TOX: variants seen among roughly 807,000 people sequenced by gnomAD.
The protein encoded by TOX is thymocyte selection-associated high mobility group box protein TOX.
A neutral mutation model predicts 53.7 loss-of-function variants in TOX; 11 were observed. The ratio of observed to expected loss-of-function variants is 0.20; its 90% confidence interval spans 0.13 to 0.34. TOX has a LOEUF of 0.34. TOX is among the 10% of genes least tolerant of loss of function. TOX has a pLI of 1.00. For missense variants in TOX, 570 were observed against 664.6 expected, an observed-to-expected ratio of 0.86 and a Z score of 1.56; for synonymous variants, 225 against 245.3, an observed-to-expected ratio of 0.92 and a Z score of 0.77.
chr8:59,015,524 G>A (rs1025691956), intron 1 of TOX, among the ~76,000 whole-genome samples: 2 of 152,108 alleles, frequency 1.3e-5, no homozygotes, highest in Admixed American at 6.5e-5. Flanking sequence ...TCACAGCTGT[G>A]AGCACGACTG....
At chr8:58,941,472 T>C (rs1486226130) in intron 2 of TOX, among the ~76,000 whole-genome samples, 1 of 152,246 alleles carries the variant, frequency 6.6e-6, no homozygotes, top group Non-Finnish European at 1.5e-5. Flanking sequence ...AAATATATCA[T>C]AAAAGATGGC....
At chr8:58,998,917 T>C (rs1010934312) in intron 1 of TOX, among the ~76,000 whole-genome samples, 8 of 152,080 alleles carry the variant, frequency 5.3e-5, no homozygotes, top group African/African-American at 1.9e-4. Flanking sequence ...CACTCCAAAA[T>C]CACCAGTTAC....
At chr8:58,896,310 A>G (rs1585886813) in intron 3 of TOX, among the ~76,000 whole-genome samples, 1 of 152,294 alleles carries the variant, frequency 6.6e-6, no homozygotes, top group East Asian at 1.9e-4. Context: ...TCTGCCTCTG[A>G]GCCCCTGGAA....
chr8:58,985,559 C>T (rs1813312513), intron 1 of TOX, among the ~76,000 whole-genome samples: 1 of 152,050 alleles, frequency 6.6e-6, no homozygotes, highest in Non-Finnish European at 1.5e-5. Flanking sequence ...GAAACATGTA[C>T]TGGAGATTGG....
At chr8:58,909,693 T>G (rs112384564) in intron 3 of TOX, among the ~76,000 whole-genome samples, 2,897 of 151,686 alleles carry the variant, frequency 0.019, 106 homozygotes, top group African/African-American at 0.066. Context: ...AGTCTCACTC[T>G]GTCATCCAGG....
At chr8:59,000,513 C>T (rs1014194732) in intron 1 of TOX, among the ~76,000 whole-genome samples, 112 of 152,296 alleles carry the variant, frequency 7.4e-4, no homozygotes, top group Non-Finnish European at 8.1e-4. Flanking sequence ...TTTCATTATA[C>T]TCATCTTTGA....
intron 6 of TOX, 110 bp from the exon 7 acceptor site, chr8:58,815,834 G>A (rs1810167232): frequency 3.5e-6 from 4 of 1,144,676 alleles, no homozygotes; most frequent in Admixed American, 5.7e-5. Context: ...CCATACCCAT[G>A]ACTATCCCGG....
chr8:58,999,287 T>C (rs1223239441), intron 1 of TOX, among the ~76,000 whole-genome samples: 1 of 151,766 alleles, frequency 6.6e-6, no homozygotes, highest in Non-Finnish European at 1.5e-5. Flanking sequence ...AAATGAAAGC[T>C]GAAATCTGTG....
chr8:59,002,606 A>G (rs1813713518), intron 1 of TOX, among the ~76,000 whole-genome samples: 1 of 91,284 alleles, frequency 1.1e-5, no homozygotes, highest in African/African-American at 3.0e-5. Context: ...AACAACAACA[A>G]CAAAAAAAAA....
intron 1 of TOX, among the ~76,000 whole-genome samples, chr8:59,057,823 C>T (rs1357652440): frequency 6.6e-6 from 1 of 152,032 alleles, no homozygotes; most frequent in South Asian, 2.1e-4. Context: ...CTTCAATCAT[C>T]AAAACTTCTG....
At chr8:58,905,929 C>T (rs1811806811) in intron 3 of TOX, among the ~76,000 whole-genome samples, 2 of 152,134 alleles carry the variant, frequency 1.3e-5, no homozygotes, top group African/African-American at 2.4e-5. Flanking sequence ...ATAATTTCAC[C>T]CTGCCAGCAT....
intron 3 of TOX, among the ~76,000 whole-genome samples, chr8:58,880,099 A>G (rs995681018): frequency 1.3e-5 from 2 of 152,198 alleles, no homozygotes; most frequent in African/African-American, 2.4e-5. Flanking sequence ...CGTAGCTACT[A>G]ATCTAGAATG....
chr8:59,053,491 T>G (rs546454824), intron 1 of TOX, among the ~76,000 whole-genome samples: 1 of 152,362 alleles, frequency 6.6e-6, no homozygotes, highest in South Asian at 2.1e-4. Flanking sequence ...GACTGTTGTT[T>G]CATTCCCTTC....
rs1218150041 is a variant in TOX, at chr8:58,878,988, G to A, written c.412-27183C>T. Among the ~76,000 whole-genome samples, 6 of 150,616 alleles carry A rather than the reference G, an allele frequency of 4.0e-5. No homozygotes were observed. In the East Asian group the frequency reaches 5.8e-4, roughly 15 times the overall value. Reference sequence around the variant, plus strand: ...AGGTAGGAAAATCGCTTGAACCCGGGAGGCAGAGGTTGCAGTGAGCCGAGA... The same window carrying A: ...AGGTAGGAAAATCGCTTGAACCCGGAAGGCAGAGGTTGCAGTGAGCCGAGA... On this transcript the variant is annotated intron_variant, in intron 3 of 8. Coordinates refer to ENST00000361421, the MANE Select transcript of TOX (RefSeq NM_014729.3).
intron 1 of TOX, among the ~76,000 whole-genome samples, chr8:58,973,952 C>T (rs1422252547): frequency 6.6e-6 from 1 of 152,108 alleles, no homozygotes; most frequent in East Asian, 1.9e-4. Context: ...CATGCACCAC[C>T]ATGCCTGGCT....
At chr8:59,019,372 C>T (rs1223282583) in intron 1 of TOX, among the ~76,000 whole-genome samples, 2 of 152,064 alleles carry the variant, frequency 1.3e-5, no homozygotes, top group African/African-American at 4.8e-5. Flanking sequence ...CCAAAAAAAT[C>T]CACAATCCTG....
chr8:59,066,763 C>T (rs1021685507), intron 1 of TOX, among the ~76,000 whole-genome samples: 7 of 152,186 alleles, frequency 4.6e-5, no homozygotes, highest in Non-Finnish European at 1.0e-4. Context: ...AAGAAGTGAA[C>T]GAAAGTTCTC....
intron 3 of TOX, among the ~76,000 whole-genome samples, chr8:58,891,133 G>A (rs891885643): frequency 6.6e-6 from 1 of 152,124 alleles, no homozygotes; most frequent in Admixed American, 6.6e-5. Context: ...AGAGAGGAAA[G>A]ATGGAGCAAA....
chr8:58,904,008 G>A (rs1027061000), intron 3 of TOX, among the ~76,000 whole-genome samples: 8 of 152,154 alleles, frequency 5.3e-5, no homozygotes, highest in African/African-American at 1.9e-4. Context: ...AACCACACAA[G>A]TACTACCAAA....
Sources: gnomAD v4.1 joint callset for allele counts (sites outside exome capture counted in the v4.1 genomes callset) on GRCh38, gnomAD v4.1.1 for gene constraint, MANE v1.5 for transcripts, NCBI Gene and HGNC (gene_info 2026-07-23, HGNC 2026-07-21) for gene names.